The following LARP4 variants were observed in gnomAD, a reference collection of about 807,000 sequenced individuals.
LARP4 encodes la-related protein 4.
Under a neutral mutation model 92.9 loss-of-function variants are expected in LARP4, and 29 were observed. The observed-to-expected ratio is 0.31, with a 90% CI of 0.23 to 0.43. LARP4 has a LOEUF of 0.43. LARP4 is among the 20% of genes least tolerant of loss of function. The pLI, the probability that LARP4 is intolerant of heterozygous loss-of-function variation, is 1.00. For synonymous variants in LARP4, 279 were observed against 284.1 expected (o/e 0.98, Z 0.18); for missense variants, 732 against 860.0 (o/e 0.85, Z 1.86).
intron 8 of LARP4, among the ~76,000 whole-genome samples, chr12:50,448,366 A>G (rs890331262): frequency 1.3e-5 from 2 of 152,136 alleles, no homozygotes; most frequent in Non-Finnish European, 2.9e-5. Context: ...CTGAAACTCT[A>G]TAAATGTTAC....
intron 1 of LARP4, among the ~76,000 whole-genome samples, chr12:50,401,967 A>G (rs1322442530): frequency 2.6e-5 from 4 of 152,204 alleles, no homozygotes; most frequent in Non-Finnish European, 5.9e-5. Context: ...ATTCCAGATC[A>G]TATTGTTCTT....
chr12:50,401,479 GGTAA>G (rs1943836370), intron 1 of LARP4, among the ~76,000 whole-genome samples: 1 of 152,168 alleles, frequency 6.6e-6, no homozygotes, highest in Admixed American at 6.5e-5. Flanking sequence ...GGTGAAATGC[GGTAA>G]GTATTTTGAA....
rs181880510 is a variant in LARP4, at chr12:50,431,157, A to T, written c.398+587A>T. On this transcript the variant is annotated intron_variant, in intron 4 of 15. Transcript: ENST00000398473. ...GTGGTGCGTGCCTGTAATCCCAGCT[A>T]CTTGGGAGGCTGAGGCAGGAGAATC... is the stretch of plus-strand genomic sequence containing the variant. Among the ~76,000 whole-genome samples the T allele has an allele frequency of 6.4e-3, 971 of 152,162 alleles. 7 individuals carry two copies. The highest frequency in any genetic ancestry group is 0.01 in the Non-Finnish European group (700 of 68,002).
chr12:50,423,707 A>G (rs1372247992), intron 1 of LARP4, among the ~76,000 whole-genome samples: 1 of 151,226 alleles, frequency 6.6e-6, no homozygotes, highest in Non-Finnish European at 1.5e-5. Flanking sequence ...TTGGCCTCCC[A>G]AAGTGCTGGG....
At position 50,440,420 on chromosome 12, in the gene LARP4, ATTTTC is replaced by A. The variant is rs760988557; in HGVS notation, c.640-14_640-10del. The stretch of plus-strand genomic sequence containing the variant: ...TTGATGTATTTTTTAGAGTTAACTA[ATTTTC>A]TTTTTCTTTTTAGGAAGTGAAAGGT... On this transcript the variant is annotated splice_polypyrimidine_tract_variant and intron_variant, in intron 6 of 15. Coordinates refer to ENST00000398473, the MANE Select transcript of LARP4 (RefSeq NM_052879.5). 2.2e-5 allele frequency: 34 copies of A among 1,570,018 alleles called. No individual in the cohort carries two copies. The highest frequency in any genetic ancestry group is 1.8e-6 in the Non-Finnish European group (2 of 1,141,620).
intron 14 of LARP4, among the ~76,000 whole-genome samples, chr12:50,473,790 G>A (rs1428293095): frequency 8.9e-5 from 12 of 135,138 alleles, no homozygotes; most frequent in East Asian, 2.6e-4. Context: ...TGCTTGAACC[G>A]GGGGGTGGGG....
At position 50,478,942 on chromosome 12, in the gene LARP4, G is replaced by C. The variant is rs1957711274; in HGVS notation, c.*3078G>C. 6.6e-6 allele frequency: 1 copy of C among 152,166 alleles called. No homozygotes were observed. The highest frequency in any genetic ancestry group is 1.5e-5 in the Non-Finnish European group (1 of 68,004). 9.4% of individuals were successfully genotyped at this position (152,166 alleles called of 1,614,324 possible). ...TTTGCAGATGATCAGATGCTGTGCA[G>C]AATTCTGATTTATTTTTGTTTCCTA... On this transcript the variant is annotated 3_prime_UTR_variant, in exon 16 of 16. Transcript: ENST00000398473.
At chr12:50,408,187 C>CTTTTTTTTTTTTTTTT (rs71083565) in intron 1 of LARP4, among the ~76,000 whole-genome samples, 1 of 69,260 alleles carries the variant, frequency 1.4e-5, no homozygotes, top group Non-Finnish European at 2.4e-5. Flanking sequence ...GGATTTTCTG[C>CTTTTTTTTTTTTTTTT]TTTTTTTTTT....
chr12:50,433,293 G>GTTTTTTTTTTTTTTTTTTTTTTTTT (rs1949959213), intron 4 of LARP4, among the ~76,000 whole-genome samples: 1 of 87,550 alleles, frequency 1.1e-5, no homozygotes, highest in African/African-American at 4.4e-5. Context: ...TTTTTTTGTA[G>GTTTTTTTTTTTTTTTTTTTTTTTTT]TTTATCCCAG....
chr12:50,467,878 G>C (rs1956364579), intron 13 of LARP4, among the ~76,000 whole-genome samples: 1 of 151,248 alleles, frequency 6.6e-6, no homozygotes, highest in Admixed American at 6.6e-5. Flanking sequence ...AATTATAACA[G>C]TACATGTCTA....
intron 10 of LARP4, among the ~76,000 whole-genome samples, chr12:50,457,071 T>A (rs555415887): frequency 6.6e-6 from 1 of 152,138 alleles, no homozygotes; most frequent in South Asian, 2.1e-4. Context: ...TGCTAGCTAA[T>A]TGTTGTATTT....
chr12:50,435,206 C>T (rs1299140482), intron 4 of LARP4, among the ~76,000 whole-genome samples: 1 of 152,134 alleles, frequency 6.6e-6, no homozygotes, highest in Non-Finnish European at 1.5e-5. Context: ...TAATATTAAA[C>T]CTCTTTATGT....
chr12:50,430,712 G>A (rs1949522394), intron 4 of LARP4, 142 bp downstream of exon 4: 1 of 526,508 alleles, frequency 1.9e-6, no homozygotes. Flanking sequence ...CTGGGCTGGA[G>A]TGCAGTGGTG....
In LARP4 at chr12:50,466,982, A is replaced by G. The variant is rs761796673; in HGVS notation, c.1407A>G (p.Glu469=). 6.2e-7 allele frequency: 1 copy of G among 1,611,910 alleles called. No homozygotes were observed. Among genetic ancestry groups the G allele is most frequent in the Non-Finnish European group, 8.5e-7 (1 of 1,178,714 alleles). The change falls in exon 13 of 16, where the codon GAA becomes GAG. Residue 469 remains glutamate, a synonymous_variant. Transcript: ENST00000398473. The part of the protein sequence containing the change: ...RISRPHPSTA[E]SKAPTPKFDL... ...AGAGACCTCATCCTTCAACAGCTGA[A>G]TCAAAGGCTCCAACACCAAAGTTTG...
intron 5 of LARP4, among the ~76,000 whole-genome samples, chr12:50,436,297 G>A (rs570017999): frequency 1.3e-5 from 2 of 151,808 alleles, no homozygotes; most frequent in Non-Finnish European, 2.9e-5. Context: ...AATTACAGGC[G>A]TGAGCCACCA....
intron 1 of LARP4, among the ~76,000 whole-genome samples, chr12:50,409,804 TATTA>T (rs1193864909): frequency 6.6e-6 from 1 of 150,766 alleles, no homozygotes; most frequent in Non-Finnish European, 1.5e-5. Context: ...TTATTATTAT[TATTA>T]TTTTTTTAAG....
At chr12:50,418,765 CTG>C (rs1190850901) in intron 1 of LARP4, among the ~76,000 whole-genome samples, 1 of 152,122 alleles carries the variant, frequency 6.6e-6, no homozygotes, top group Non-Finnish European at 1.5e-5. Context: ...GTCATCCAGA[CTG>C]TAGTACAATC....
intron 8 of LARP4, among the ~76,000 whole-genome samples, chr12:50,448,263 C>A (rs949574675): frequency 6.6e-6 from 1 of 152,114 alleles, no homozygotes; most frequent in Non-Finnish European, 1.5e-5. Flanking sequence ...CCCATCTTAA[C>A]TGTTCTTAAG....
At chr12:50,419,033 A>G (rs1488492993) in intron 1 of LARP4, among the ~76,000 whole-genome samples, 5 of 152,130 alleles carry the variant, frequency 3.3e-5, no homozygotes, top group African/African-American at 1.2e-4. Context: ...CAACACATAT[A>G]AAGTTTTTTT....
Sources: allele counts gnomAD v4.1 joint callset (sites outside exome capture counted in the v4.1 genomes callset), GRCh38; gene constraint gnomAD v4.1.1; transcripts MANE v1.5; gene names NCBI Gene and HGNC (gene_info 2026-07-23, HGNC 2026-07-21).